The following NBPF12 variants were observed in gnomAD, a reference collection of about 807,000 sequenced individuals.
NBPF12 encodes the protein NBPF family member NBPF12.
NBPF12 carries 115 observed loss-of-function variants against 146.4 expected under a neutral mutation model. The observed-to-expected ratio is 0.79, with a 90% CI of 0.68 to 0.92. The LOEUF (loss-of-function observed/expected upper bound fraction) is 0.92, where lower values mean the gene tolerates loss of function less well. Among genes scored for constraint, NBPF12 ranks in the 40% least tolerant of loss-of-function variants. The probability of loss-of-function intolerance (pLI) is 0.00; values close to 1 mark genes in which losing one functional copy is unlikely to be tolerated. For missense variants in NBPF12, 1,205 were observed against 1,326.8 expected, an observed-to-expected ratio of 0.91 and a Z score of 1.43; for synonymous variants, 385 against 508.9, an observed-to-expected ratio of 0.76 and a Z score of 3.28.
At chr1:146,969,656 T>G in intron 11 of NBPF12, 60 bp downstream of exon 14, 2 of 1,536,578 alleles carry the variant, frequency 1.3e-6, no homozygotes, top group Non-Finnish European at 1.8e-6. Context: ...GCTCCAGACC[T>G]CCATACTTTC....
chr1:146,947,505 G>C (rs1272638762), upstream of NBPF12, among the ~76,000 whole-genome samples: 15 of 140,798 alleles, frequency 1.1e-4, no homozygotes, highest in African/African-American at 3.8e-4. Context: ...CCAAAAGTTT[G>C]TTTAAAGAAT....
chr1:146,978,642 G>A (rs1657200628), intron 18 of NBPF12, among the ~76,000 whole-genome samples: 1 of 151,492 alleles, frequency 6.6e-6, no homozygotes, highest in Non-Finnish European at 1.5e-5. Context: ...AGTCCGTATT[G>A]CAGCAACATT....
chr1:146,971,989 G>A (rs1656662345), intron 13 of NBPF12, among the ~76,000 whole-genome samples: 1 of 149,754 alleles, frequency 6.7e-6, no homozygotes, highest in African/African-American at 2.5e-5. Context: ...TTGGGAGGCT[G>A]AGGCAGGAGA....
At chr1:146,968,912 G>A (rs1185954230) in intron 10 of NBPF12, among the ~76,000 whole-genome samples, 24 of 151,122 alleles carry the variant, frequency 1.6e-4, no homozygotes, top group Non-Finnish European at 2.2e-4. Flanking sequence ...GACTGACTGC[G>A]GCTTCTCATT....
chr1:146,961,065 G>C (rs1486298594), intron 4 of NBPF12, among the ~76,000 whole-genome samples: 6 of 152,064 alleles, frequency 3.9e-5, no homozygotes, highest in African/African-American at 1.5e-4. Context: ...AGAAGCCTTT[G>C]AACCCAGCAG....
intron 11 of NBPF12, 106 bp from the exon 15 acceptor site, chr1:146,970,541 C>T: frequency 7.1e-7 from 1 of 1,402,774 alleles, no homozygotes; most frequent in South Asian, 1.2e-5. Flanking sequence ...GTTTTCAGTA[C>T]AATGCTGAAC....
chr1:146,971,271 G>A, exon 13 of NBPF12: 2 of 1,612,414 alleles, frequency 1.2e-6, no homozygotes, highest in Non-Finnish European at 8.5e-7. Context: ...CGGCCCTTGT[G>A]ACTCCAACCA....
chr1:146,966,581 T>C (rs1553885675), exon 9 of NBPF12: 31 of 1,448,732 alleles, frequency 2.1e-5, no homozygotes, highest in Admixed American at 8.4e-5. Flanking sequence ...CGCCCCCAGC[T>C]GGCAGAGAAG....
At chr1:146,940,312 C>T (rs1408532712) in intron 1 of NBPF12, among the ~76,000 whole-genome samples, 5 of 151,710 alleles carry the variant, frequency 3.3e-5, no homozygotes, top group South Asian at 2.1e-4. Context: ...CAATTTTAAA[C>T]GTGCAGGTGA....
At chr1:146,940,977 T>C (rs1285593296) in intron 1 of NBPF12, among the ~76,000 whole-genome samples, 3 of 152,162 alleles carry the variant, frequency 2.0e-5, no homozygotes, top group Admixed American at 1.3e-4. Context: ...TACTTTATTC[T>C]GGATATGCAT....
At chr1:146,954,194 A>T (rs1296156559) in intron 2 of NBPF12, among the ~76,000 whole-genome samples, 1 of 150,636 alleles carries the variant, frequency 6.6e-6, no homozygotes, top group Non-Finnish European at 1.5e-5. Flanking sequence ...GATGGAGACC[A>T]TCACGCCTAA....
chr1:146,967,917 G>A (rs1459479625), intron 9 of NBPF12, among the ~76,000 whole-genome samples: 1 of 144,718 alleles, frequency 6.9e-6, no homozygotes, highest in Non-Finnish European at 1.5e-5. Flanking sequence ...GCCTTATGGT[G>A]TTATGTGTCA....
intron 12 of NBPF12, among the ~76,000 whole-genome samples, 181 bp from the exon 16 acceptor site, chr1:146,971,002 C>A (rs1468231229): frequency 6.6e-6 from 1 of 151,392 alleles, no homozygotes; most frequent in African/African-American, 2.5e-5. Context: ...CTCTGGCTCC[C>A]ATGGCAGCCA....
upstream of NBPF12, among the ~76,000 whole-genome samples, chr1:146,944,406 G>A (rs1276695559): frequency 4.8e-5 from 7 of 145,922 alleles, 1 homozygote; most frequent in African/African-American, 1.7e-4. Flanking sequence ...GGGAGCCAGT[G>A]CAAGGAGGGA....
At chr1:146,954,182 G>A (rs1415723931) in intron 2 of NBPF12, among the ~76,000 whole-genome samples, 5 of 150,308 alleles carry the variant, frequency 3.3e-5, no homozygotes, top group Non-Finnish European at 4.4e-5. Context: ...ATGAGGTCAG[G>A]AGATGGAGAC....
At chr1:146,968,727 G>A (rs1656369202) in intron 10 of NBPF12, among the ~76,000 whole-genome samples, 177 bp downstream of exon 13, 1 of 151,654 alleles carries the variant, frequency 6.6e-6, no homozygotes, top group Non-Finnish European at 1.5e-5. Flanking sequence ...AAAAATTTAT[G>A]GGTTGCAGTT....
intron 27 of NBPF12, among the ~76,000 whole-genome samples, chr1:146,989,158 C>T (rs1657982470): frequency 2.7e-5 from 3 of 109,458 alleles, no homozygotes; most frequent in Non-Finnish European, 6.0e-5. Context: ...GTTGACCATA[C>T]TTCAAAAGCT....
intron 2 of NBPF12, among the ~76,000 whole-genome samples, chr1:146,954,093 TATAA>T (rs1655445670): frequency 1.3e-5 from 2 of 148,452 alleles, no homozygotes; most frequent in Admixed American, 1.4e-4. Context: ...ATGTTGTGCT[TATAA>T]ATAAATTCAA....
chr1:146,967,666 G>C lies in NBPF12; in HGVS notation c.989-782G>C, dbSNP rs1656293292. On this transcript the variant is annotated intron_variant, in intron 9 of 33. Coordinates refer to ENST00000617844, the Ensembl canonical transcript of NBPF12. ...GCAGTGTACAGAGCAGGGACCGTGG[G>C]CCTGTCTCCTGGGCTCCATCCAAGG... Among the ~76,000 whole-genome samples the C allele has an allele frequency of 2.0e-5, 3 of 150,112 alleles. No homozygotes were observed. The South Asian group carries it at 6.4e-4, about 32-fold the overall frequency.
Sources: gnomAD v4.1 joint callset for allele counts (sites outside exome capture counted in the v4.1 genomes callset) on GRCh38, gnomAD v4.1.1 for gene constraint, MANE v1.5 for transcripts, NCBI Gene and HGNC (gene_info 2026-07-23, HGNC 2026-07-21) for gene names.